FLVCR1: variants seen among roughly 807,000 people sequenced by gnomAD.
FLVCR1 encodes choline/ethanolamine transporter FLVCR1.
In FLVCR1, 34 loss-of-function variants were observed where a neutral mutation model predicts 53.6. The ratio of observed to expected loss-of-function variants is 0.63; its 90% CI spans 0.48 to 0.84. The LOEUF is 0.84. Ranked by LOEUF, FLVCR1 falls within the 40% of genes least tolerant of loss-of-function variation. The pLI, the probability that FLVCR1 is intolerant of heterozygous loss-of-function variation, is 0.00. For synonymous variants in FLVCR1, 300 were observed against 286.3 expected (o/e 1.05, Z -0.48); for missense variants, 677 against 696.7 (o/e 0.97, Z 0.32).
intron 1 of FLVCR1, 139 bp from the exon 2 acceptor site, chr1:212,863,582 CAAAA>C (rs3086478): frequency 1.8e-5 from 11 of 604,844 alleles, no homozygotes; most frequent in South Asian, 6.0e-5. Flanking sequence ...GACTTTGTCT[CAAAA>C]AAAAAAAAAA....
intron 8 of FLVCR1, among the ~76,000 whole-genome samples, chr1:212,891,245 C>A (rs773467891): frequency 6.6e-6 from 1 of 151,566 alleles, no homozygotes; most frequent in Non-Finnish European, 1.5e-5. Flanking sequence ...CGTGTCTCTA[C>A]TAAAAATACA....
intron 1 of FLVCR1, 128 bp downstream of exon 1, chr1:212,859,318 G>A (rs886192171): frequency 1.4e-6 from 2 of 1,411,252 alleles, no homozygotes; most frequent in African/African-American, 2.8e-5. Flanking sequence ...AGGAGATGAA[G>A]CCGTTGAATA....
chr1:212,878,393 T>G (rs538909499), intron 3 of FLVCR1, among the ~76,000 whole-genome samples: 4 of 151,876 alleles, frequency 2.6e-5, no homozygotes, highest in African/African-American at 9.7e-5. Context: ...TCCCAGCTAC[T>G]CGGGAGGCTG....
chr1:212,865,608 G>A (rs541173250), intron 2 of FLVCR1, among the ~76,000 whole-genome samples: 53 of 143,448 alleles, frequency 3.7e-4, no homozygotes, highest in African/African-American at 1.4e-3. Context: ...TCAGCCTCCC[G>A]AGCAGCTGGG....
chr1:212,880,636 A>G (rs927687565), intron 3 of FLVCR1, among the ~76,000 whole-genome samples: 7 of 152,210 alleles, frequency 4.6e-5, no homozygotes, highest in Admixed American at 3.9e-4. Flanking sequence ...GGTCTCTAAT[A>G]AAAATACAAA....
At position 212,858,810 on chromosome 1, in the gene FLVCR1, G is replaced by A. The variant is rs1255821668; in HGVS notation, c.358G>A (p.Val120Ile). The change falls in exon 1 of 10, where the codon GTC (valine) becomes ATC (isoleucine). Residue 120 changes from valine to isoleucine, a missense_variant. Physicochemically the swap from Val to Ile is conservative, Grantham distance 29. Transcript: ENST00000366971. Reference protein sequence around the residue: ...VLLIFSLYSLVNAFQWIQYSI... With the variant: ...VLLIFSLYSLINAFQWIQYSI... ...CCTGATCTTCAGCCTGTACTCGCTG[G>A]TCAACGCCTTTCAGTGGATCCAGTA... 6.2e-7 allele frequency: 1 copy of A among 1,614,238 alleles called. No homozygotes were observed. Among genetic ancestry groups the A allele is most frequent in the Non-Finnish European group, 8.5e-7 (1 of 1,180,038 alleles).
At chr1:212,893,066 G>GC (rs910035911) in intron 8 of FLVCR1, among the ~76,000 whole-genome samples, 1 of 10,402 alleles carries the variant, frequency 9.6e-5, no homozygotes, top group African/African-American at 2.1e-4. Flanking sequence ...CTTTTTTTTT[G>GC]GGGGGGGGTG....
In FLVCR1 at chr1:212,888,675, T is replaced by TTTG. The variant is rs41300975; in HGVS notation, c.1413+96_1413+98dup. On this transcript the variant is annotated intron_variant, in intron 7 of 9. Transcript: ENST00000366971. ...AGTAATGAGTTTGACCATGGTTTTA[T>TTTG]TTGTTGTTGTTGTTGTTTTGTTTTT... 0.72 allele frequency: 634,572 copies of TTTG among 877,218 alleles called. 238,037 individuals are homozygous for TTTG. Among genetic ancestry groups the TTTG allele is most frequent in the East Asian group, 0.99 (35,895 of 36,108 alleles). The allele number at this position is 877,218 out of a possible 1,614,324, so 54.3% of individuals were successfully genotyped here.
intron 2 of FLVCR1, among the ~76,000 whole-genome samples, chr1:212,870,670 C>G (rs1417415001): frequency 6.6e-6 from 1 of 151,976 alleles, no homozygotes; most frequent in African/African-American, 2.4e-5. Context: ...TTCTTGCTGT[C>G]TGGCTGAGAA....
chr1:212,894,393 T>G (rs1057187319), intron 8 of FLVCR1, among the ~76,000 whole-genome samples: 8 of 152,092 alleles, frequency 5.3e-5, no homozygotes, highest in Admixed American at 1.3e-4. Context: ...GACCTTGTGA[T>G]CCACCCACCT....
chr1:212,891,738 C>T (rs1234488860), intron 8 of FLVCR1, among the ~76,000 whole-genome samples: 3 of 152,112 alleles, frequency 2.0e-5, no homozygotes, highest in Admixed American at 1.3e-4. Flanking sequence ...TAAATCTCTC[C>T]TCTTAAATCA....
In FLVCR1 at chr1:212,858,366, G is replaced by A. The variant is rs41296692; in HGVS notation, c.-87G>A. 7.7e-4 allele frequency: 991 copies of A among 1,282,250 alleles called. 3 individuals carry two copies. In the African/African-American group the frequency reaches 0.012, roughly 15 times the overall value. The allele number at this position is 1,282,250 out of a possible 1,614,324, so 79.4% of individuals were successfully genotyped here. A position where few individuals can be genotyped will look rare whatever the true frequency, so the allele number is the denominator to read the frequency against. ...GGTGGGCCGAGGGGTTGGAGGTGGG[G>A]CCCCAGGAGGACCTCGGGCTGTGGG... On this transcript the variant is annotated 5_prime_UTR_variant, in exon 1 of 10. Transcript: ENST00000366971.
rs541543586 is a variant in FLVCR1 at position 212,858,543 on chromosome 1, G to C, written c.91G>C (p.Val31Leu). Residue 31 changes from valine (V) to leucine (L), a missense_variant, in exon 1 of 10, where the codon GTT becomes CTT. Val to Leu is a conservative substitution (Grantham distance 32). Transcript: ENST00000366971. ...GYLPLPRGAP[V>L]GKESVELQNG... Reference sequence around the variant, plus strand: ...CCTCCCGTTGCCGAGGGGCGCGCCCGTTGGGAAGGAGAGCGTGGAGCTGCA... The same window carrying C: ...CCTCCCGTTGCCGAGGGGCGCGCCCCTTGGGAAGGAGAGCGTGGAGCTGCA... 6.8e-7 allele frequency: 1 copy of C among 1,465,442 alleles called. No homozygotes were observed. Among genetic ancestry groups the C allele is most frequent in the African/African-American group, 1.4e-5 (1 of 70,644 alleles). The allele number at this position is 1,465,442 out of a possible 1,614,324, so 90.8% of individuals were successfully genotyped here. A position where few individuals can be genotyped will look rare whatever the true frequency, so the allele number is the denominator to read the frequency against.
chr1:212,893,203 C>G (rs928758012), intron 8 of FLVCR1, among the ~76,000 whole-genome samples: 2 of 151,878 alleles, frequency 1.3e-5, no homozygotes. Context: ...CTACAGGTGC[C>G]CGCCACCACG....
Position 212,896,344 on chromosome 1 carries a change from A to G in FLVCR1, c.*1054A>G, listed in dbSNP as rs1336614331. On this transcript the variant is annotated 3_prime_UTR_variant, in exon 10 of 10. Transcript: ENST00000366971. ...TGAATTCTGCAGTATCATTTTTATG[A>G]CCATTCTCCTTTGAGGAATACTATG... The G allele has an allele frequency of 1.3e-5, 2 of 152,120 alleles. No individual in the cohort carries two copies. Among genetic ancestry groups the G allele is most frequent in the Admixed American group, 6.5e-5 (1 of 15,272 alleles). 9.4% of individuals were successfully genotyped at this position (152,120 alleles called of 1,614,324 possible). A position where few individuals can be genotyped will look rare whatever the true frequency, so the allele number is the denominator to read the frequency against.
At chr1:212,862,870 T>G (rs1445152026) in intron 1 of FLVCR1, among the ~76,000 whole-genome samples, 2 of 152,252 alleles carry the variant, frequency 1.3e-5, no homozygotes, top group Non-Finnish European at 2.9e-5. Context: ...GTTATTATAG[T>G]AGCCATGCTA....
chr1:212,875,534 G>T (rs78548352), intron 3 of FLVCR1, among the ~76,000 whole-genome samples: 6,717 of 152,178 alleles, frequency 0.044, 202 homozygotes, highest in Non-Finnish European at 0.065. Flanking sequence ...TGGTGTCTTT[G>T]ATACCACATC....
intron 8 of FLVCR1, among the ~76,000 whole-genome samples, chr1:212,891,294 C>T (rs1665184956): frequency 6.6e-6 from 1 of 151,488 alleles, no homozygotes. Flanking sequence ...CACCTGTAAT[C>T]TCAGCTACTT....
In FLVCR1 at chr1:212,896,636, CAAAA is replaced by C. The variant is rs1241999094; in HGVS notation, c.*1349_*1352del. On this transcript the variant is annotated 3_prime_UTR_variant, in exon 10 of 10. Coordinates refer to ENST00000366971, the MANE Select transcript of FLVCR1 (RefSeq NM_014053.4). Reference sequence around the variant, plus strand: ...AATTTACATTATGTTCATATGCACCCAAAAAAGCTAGTCAGGTAATGAATACCCT... The same window carrying C: ...AATTTACATTATGTTCATATGCACCCAAGCTAGTCAGGTAATGAATACCCT... 3 of 151,772 alleles carry C rather than the reference CAAAA, an allele frequency of 2.0e-5. No homozygotes were observed. Among genetic ancestry groups the C allele is most frequent in the Non-Finnish European group, 4.4e-5 (3 of 67,952 alleles). The allele number at this position is 151,772 out of a possible 1,614,324, so 9.4% of individuals were successfully genotyped here. A position where few individuals can be genotyped will look rare whatever the true frequency, so the allele number is the denominator to read the frequency against.
Sources: gnomAD v4.1 joint callset for allele counts (sites outside exome capture counted in the v4.1 genomes callset) on GRCh38, gnomAD v4.1.1 for gene constraint, MANE v1.5 for transcripts, NCBI Gene and HGNC (gene_info 2026-07-23, HGNC 2026-07-21) for gene names.